Variants in TMEM45A observed in about 807,000 individuals in gnomAD.
The protein encoded by TMEM45A is transmembrane protein 45A.
Under a neutral mutation model 32.0 loss-of-function variants are expected in TMEM45A, and 25 were observed. That is an observed-to-expected ratio of 0.78 (90% CI 0.57 to 1.09). TMEM45A has a LOEUF of 1.09. Ranked by LOEUF, TMEM45A falls within the 50% of genes least tolerant of loss-of-function variation. TMEM45A has a pLI of 0.00. For synonymous variants in TMEM45A, 122 were observed against 114.8 expected, an observed-to-expected ratio of 1.06 and a Z score of -0.40; for missense variants, 302 against 325.0, an observed-to-expected ratio of 0.93 and a Z score of 0.54.
intron 4 of TMEM45A, 57 bp from the exon 5 acceptor site, chr3:100,568,765 C>T (rs1706495233): frequency 6.7e-7 from 1 of 1,493,522 alleles, no homozygotes. Context: ...TTGAAATGTA[C>T]CATTTTTGGG....
In TMEM45A at chr3:100,568,817, T is replaced by A. The variant is rs371803313; in HGVS notation, c.589-5T>A. The A allele has an allele frequency of 6.9e-6, 11 of 1,593,484 alleles. No individual in the cohort carries two copies. The highest frequency in any genetic ancestry group is 8.6e-6 in the Non-Finnish European group (10 of 1,166,478). ...TTAATATATGCTTTTTGTTCTAAATTACAGATTGGATTTGTCCTGTATCCC... is the reference window on the plus strand; with the variant it reads ...TTAATATATGCTTTTTGTTCTAAATAACAGATTGGATTTGTCCTGTATCCC... On this transcript the variant is annotated splice_polypyrimidine_tract_variant and splice_region_variant and intron_variant, in intron 4 of 5. Transcript: ENST00000323523.
At chr3:100,563,774 C>T (rs1706377050) in intron 4 of TMEM45A, among the ~76,000 whole-genome samples, 1 of 152,132 alleles carries the variant, frequency 6.6e-6, no homozygotes, top group Non-Finnish European at 1.5e-5. Context: ...GGGCTCTGGT[C>T]ACTTTGGCTC....
intron 1 of TMEM45A, among the ~76,000 whole-genome samples, chr3:100,510,320 C>T (rs533630138): frequency 7.9e-5 from 12 of 151,918 alleles, no homozygotes; most frequent in Admixed American, 2.6e-4. Flanking sequence ...CCCTGACCCC[C>T]GAGCAGCCTA....
chr3:100,565,927 C>A (rs1163893017), intron 4 of TMEM45A, among the ~76,000 whole-genome samples: 1 of 152,192 alleles, frequency 6.6e-6, no homozygotes, highest in African/African-American at 2.4e-5. Context: ...AATAGTCACT[C>A]TCCCGTCTCT....
intron 1 of TMEM45A, among the ~76,000 whole-genome samples, chr3:100,524,798 T>C (rs1427159075): frequency 6.6e-6 from 1 of 152,232 alleles, no homozygotes; most frequent in Non-Finnish European, 1.5e-5. Flanking sequence ...CTCACCTTCC[T>C]TCCTGCAATG....
At chr3:100,553,255 G>A (rs988072951) in intron 1 of TMEM45A, among the ~76,000 whole-genome samples, 7 of 151,978 alleles carry the variant, frequency 4.6e-5, no homozygotes, top group Non-Finnish European at 7.4e-5. Flanking sequence ...GTTGGTATTC[G>A]GACTTAGATA....
chr3:100,526,061 C>T (rs1423176875), intron 1 of TMEM45A, among the ~76,000 whole-genome samples: 1 of 152,188 alleles, frequency 6.6e-6, no homozygotes, highest in African/African-American at 2.4e-5. Flanking sequence ...CTGCAGCAGC[C>T]ACTTAACCAG....
At chr3:100,561,320 T>C (rs1173473117) in intron 4 of TMEM45A, among the ~76,000 whole-genome samples, 2 of 152,220 alleles carry the variant, frequency 1.3e-5, no homozygotes, top group Non-Finnish European at 2.9e-5. Flanking sequence ...TTCTCACTAC[T>C]TCTCCATAAA....
intron 1 of TMEM45A, among the ~76,000 whole-genome samples, chr3:100,542,077 C>A (rs1705893225): frequency 6.6e-6 from 1 of 152,098 alleles, no homozygotes; most frequent in Non-Finnish European, 1.5e-5. Context: ...TGAAGTTGGT[C>A]AGATAATGTG....
chr3:100,499,642 TG>T (rs1281330933), intron 1 of TMEM45A, among the ~76,000 whole-genome samples: 1 of 152,208 alleles, frequency 6.6e-6, no homozygotes, highest in East Asian at 1.9e-4. Context: ...TTTGGGAGGC[TG>T]AGGTGGGTGG....
At chr3:100,576,632 A>G (rs536888571) in intron 5 of TMEM45A, among the ~76,000 whole-genome samples, 1 of 152,208 alleles carries the variant, frequency 6.6e-6, no homozygotes, top group South Asian at 2.1e-4. Context: ...AAAAAAAAAT[A>G]GAAAAGAAAA....
At position 100,558,401 on chromosome 3, in the gene TMEM45A, T is replaced by C. The variant is rs1485658326; in HGVS notation, c.404-4T>C. 1 of 1,612,600 alleles carries C rather than the reference T, an allele frequency of 6.2e-7. No homozygotes were observed. Among genetic ancestry groups the C allele is most frequent in the Non-Finnish European group, 8.5e-7 (1 of 1,179,954 alleles). ...AAAAAGACAATCTGTTTTTTCCCCATCAGCCTTTATCTTCTACAACCACAC... is the reference window on the plus strand; with the variant it reads ...AAAAAGACAATCTGTTTTTTCCCCACCAGCCTTTATCTTCTACAACCACAC... On this transcript the variant is annotated splice_region_variant and splice_polypyrimidine_tract_variant and intron_variant, in intron 3 of 5. Transcript: ENST00000323523.
chr3:100,494,312 G>A (rs1282273613), intron 1 of TMEM45A, among the ~76,000 whole-genome samples: 3 of 152,154 alleles, frequency 2.0e-5, no homozygotes, highest in Non-Finnish European at 4.4e-5. Flanking sequence ...AGCAGTAGAT[G>A]GGAATTTAGT....
intron 1 of TMEM45A, among the ~76,000 whole-genome samples, chr3:100,544,824 A>T (rs2148970143): frequency 6.6e-6 from 1 of 152,306 alleles, no homozygotes; most frequent in South Asian, 2.1e-4. Context: ...TTGTGTGGAC[A>T]TCGTTTTCAT....
intron 1 of TMEM45A, among the ~76,000 whole-genome samples, chr3:100,535,213 C>T (rs991111884): frequency 9.9e-5 from 15 of 151,906 alleles, no homozygotes; most frequent in Admixed American, 2.6e-4. Flanking sequence ...GTCCGCTTCC[C>T]GGGTTCAAAG....
intron 1 of TMEM45A, among the ~76,000 whole-genome samples, chr3:100,493,966 A>C (rs1269169153): frequency 6.6e-6 from 1 of 152,198 alleles, no homozygotes. Flanking sequence ...TCCTGACCTC[A>C]GGTTATGTGC....
chr3:100,555,644 TG>T (rs576445814), intron 2 of TMEM45A, among the ~76,000 whole-genome samples: 4 of 152,222 alleles, frequency 2.6e-5, no homozygotes, highest in Non-Finnish European at 5.9e-5. Context: ...CTTTTTTTCT[TG>T]GTTCCTAAAT....
intron 1 of TMEM45A, among the ~76,000 whole-genome samples, chr3:100,548,121 G>T (rs1302736498): frequency 1.3e-5 from 2 of 152,202 alleles, no homozygotes; most frequent in Non-Finnish European, 2.9e-5. Flanking sequence ...GCACTCTAGA[G>T]TGGTTATTTT....
In TMEM45A at chr3:100,556,691, A is replaced by C. The variant is rs79725863; in HGVS notation, c.191-69A>C. The stretch of plus-strand genomic sequence containing the variant: ...ATTAGATTGGAATAAGCAATGGACT[A>C]GTCCTCCTGCATCTTCTTGAATTCT... On this transcript the variant is annotated intron_variant, in intron 2 of 5. Transcript: ENST00000323523. The C allele has an allele frequency of 0.02, 27,707 of 1,364,266 alleles. 4,214 individuals carry two copies. The African/African-American group carries it at 0.34, about 17-fold the overall frequency. The allele number at this position is 1,364,266 out of a possible 1,614,324, so 84.5% of individuals were successfully genotyped here.
Sources: allele counts gnomAD v4.1 joint callset (sites outside exome capture counted in the v4.1 genomes callset), GRCh38; gene constraint gnomAD v4.1.1; transcripts MANE v1.5; gene names NCBI Gene and HGNC (gene_info 2026-07-23, HGNC 2026-07-21).